ATXN1: variants seen among roughly 807,000 people sequenced by gnomAD.
ATXN1 encodes ataxin 1.
Under a neutral mutation model 56.4 loss-of-function variants are expected in ATXN1, and 8 were observed. The ratio of observed to expected loss-of-function variants is 0.14; its 90% CI spans 0.08 to 0.26. ATXN1 has a LOEUF of 0.26. ATXN1 is among the 10% of genes least tolerant of loss of function. ATXN1 has a pLI of 1.00. For synonymous variants in ATXN1, 514 were observed against 494.6 expected, an observed-to-expected ratio of 1.04 and a Z score of -0.52; for missense variants, 987 against 1,106.5, an observed-to-expected ratio of 0.89 and a Z score of 1.53.
intron 3 of ATXN1, among the ~76,000 whole-genome samples, chr6:16,644,099 GA>G (rs1420584325): frequency 6.6e-6 from 1 of 152,186 alleles, no homozygotes. Flanking sequence ...TGGGAGGAGA[GA>G]ATGGAGTGTT....
chr6:16,703,085 T>A (rs973146034), intron 2 of ATXN1, among the ~76,000 whole-genome samples: 2 of 152,128 alleles, frequency 1.3e-5, no homozygotes, highest in Non-Finnish European at 2.9e-5. Context: ...CCAACCCAAA[T>A]GTCCAACAAT....
chr6:16,419,103 T>C (rs1214815907), intron 6 of ATXN1, among the ~76,000 whole-genome samples: 1 of 152,116 alleles, frequency 6.6e-6, no homozygotes, highest in Admixed American at 6.5e-5. Context: ...CTTACAACTG[T>C]CATGAGCTTT....
rs998090173 is a variant in ATXN1, at chr6:16,418,260, C to T, written c.-161+67712G>A. Among the ~76,000 whole-genome samples, 5 of 152,174 alleles carry T rather than the reference C, an allele frequency of 3.3e-5. No individual in the cohort carries two copies. The East Asian group carries it at 5.8e-4, about 18-fold the overall frequency. The stretch of plus-strand genomic sequence containing the variant: ...TCCCATTATAAAAGTAAATATTGTT[C>T]CTGTGTACAATTAGTCCCTTCCTCT... On this transcript the variant is annotated intron_variant, in intron 6 of 7. Coordinates refer to ENST00000436367, the MANE Select transcript of ATXN1 (RefSeq NM_001128164.2).
chr6:16,352,478 C>T (rs148857865), intron 6 of ATXN1, among the ~76,000 whole-genome samples: 171 of 152,232 alleles, frequency 1.1e-3, no homozygotes, highest in African/African-American at 3.9e-3. Context: ...CATGGATTTA[C>T]AAGCTTCCTC....
chr6:16,609,450 G>T (rs1763066624), intron 3 of ATXN1, among the ~76,000 whole-genome samples: 1 of 152,220 alleles, frequency 6.6e-6, no homozygotes, highest in African/African-American at 2.4e-5. Flanking sequence ...ACTGTCTCTT[G>T]CACGATGGCT....
chr6:16,723,464 G>A (rs1395209073), intron 2 of ATXN1, among the ~76,000 whole-genome samples: 1 of 152,104 alleles, frequency 6.6e-6, no homozygotes, highest in East Asian at 1.9e-4. Flanking sequence ...AAAGGAGGAG[G>A]AAGAGACAAA....
intron 6 of ATXN1, among the ~76,000 whole-genome samples, chr6:16,451,045 G>A (rs1244920347): frequency 1.3e-5 from 2 of 152,190 alleles, no homozygotes; most frequent in African/African-American, 4.8e-5. Context: ...TGAATCATTC[G>A]GTTCTCCAGG....
intron 2 of ATXN1, among the ~76,000 whole-genome samples, chr6:16,707,948 T>C (rs755500417): frequency 4.7e-4 from 72 of 151,966 alleles, no homozygotes; most frequent in Non-Finnish European, 8.5e-4. Context: ...AAACATTAAA[T>C]GAAGCTAAAA....
chr6:16,495,701 A>G (rs1253202474), intron 5 of ATXN1, among the ~76,000 whole-genome samples: 4 of 152,088 alleles, frequency 2.6e-5, no homozygotes, highest in African/African-American at 4.8e-5. Flanking sequence ...TGTCTCTACT[A>G]AAAATACAAA....
chr6:16,512,760 A>G lies in ATXN1; in HGVS notation c.-299+9867T>C, dbSNP rs1024166102. ...CTCCTGCAAGTGAGGGTGACAGCCAATGCCAGGAGCTACAGCAACAGAAGA... is the reference window on the plus strand; with the variant it reads ...CTCCTGCAAGTGAGGGTGACAGCCAGTGCCAGGAGCTACAGCAACAGAAGA... On this transcript the variant is annotated intron_variant, in intron 5 of 7. Transcript: ENST00000436367. Among the ~76,000 whole-genome samples the G allele has an allele frequency of 2.6e-5, 4 of 152,212 alleles. No homozygotes were observed. In the South Asian group the frequency reaches 6.2e-4, roughly 24 times the overall value.
intron 4 of ATXN1, among the ~76,000 whole-genome samples, chr6:16,557,326 CAAAAAAA>C (rs10551173): frequency 1.8e-4 from 16 of 87,754 alleles, no homozygotes; most frequent in East Asian, 6.5e-4. Context: ...AACCCCATTT[CAAAAAAA>C]AAAAAAAAAA....
At chr6:16,655,849 G>C (rs1420951129) in intron 3 of ATXN1, among the ~76,000 whole-genome samples, 1 of 151,918 alleles carries the variant, frequency 6.6e-6, no homozygotes, top group Non-Finnish European at 1.5e-5. Flanking sequence ...CAGCACTTTG[G>C]GAGGCTGAGG....
chr6:16,652,702 C>T (rs1044118096), intron 3 of ATXN1, among the ~76,000 whole-genome samples: 1 of 152,186 alleles, frequency 6.6e-6, no homozygotes, highest in Non-Finnish European at 1.5e-5. Context: ...GCCCTCGCTC[C>T]CATCAGATGG....
chr6:16,673,814 G>A (rs1442452292), intron 2 of ATXN1, among the ~76,000 whole-genome samples: 2 of 152,058 alleles, frequency 1.3e-5, no homozygotes, highest in Non-Finnish European at 2.9e-5. Context: ...AATGCCCCCA[G>A]CCCCATTGCA....
chr6:16,366,019 C>G (rs1761911146), intron 6 of ATXN1, among the ~76,000 whole-genome samples: 2 of 152,106 alleles, frequency 1.3e-5, no homozygotes, highest in East Asian at 1.9e-4. Context: ...TCAACTCATT[C>G]TGATCTCTTC....
At chr6:16,541,200 G>A (rs1303873760) in intron 4 of ATXN1, among the ~76,000 whole-genome samples, 2 of 152,214 alleles carry the variant, frequency 1.3e-5, no homozygotes, top group Admixed American at 6.5e-5. Flanking sequence ...GGGCTTTGCA[G>A]AATGCAGGCT....
intron 6 of ATXN1, among the ~76,000 whole-genome samples, chr6:16,339,783 A>C (rs1031860344): frequency 1.3e-5 from 2 of 152,120 alleles, no homozygotes; most frequent in Non-Finnish European, 2.9e-5. Flanking sequence ...TGTGTAGTGA[A>C]GAATTTTTTT....
chr6:16,455,383 T>C (rs954414721), intron 6 of ATXN1, among the ~76,000 whole-genome samples: 2 of 152,136 alleles, frequency 1.3e-5, no homozygotes, highest in Non-Finnish European at 2.9e-5. Context: ...ATACCACCTA[T>C]GAAAATGGCC....
At chr6:16,459,552 C>T (rs1021073472) in intron 6 of ATXN1, among the ~76,000 whole-genome samples, 5 of 152,162 alleles carry the variant, frequency 3.3e-5, no homozygotes, top group Non-Finnish European at 5.9e-5. Flanking sequence ...GTACCCAACC[C>T]CTATACCCTG....
Sources: gnomAD v4.1 joint callset for allele counts (sites outside exome capture counted in the v4.1 genomes callset) on GRCh38, gnomAD v4.1.1 for gene constraint, MANE v1.5 for transcripts, NCBI Gene and HGNC (gene_info 2026-07-23, HGNC 2026-07-21) for gene names.